Variants in MVB12B observed in about 807,000 individuals in gnomAD.
MVB12B encodes multivesicular body subunit 12B, also known as ESCRT-I complex subunit MVB12B.
MVB12B carries 16 observed loss-of-function variants against 41.6 expected under a neutral mutation model. That is an observed-to-expected ratio of 0.38 (90% CI 0.26 to 0.58). MVB12B has a LOEUF of 0.58. Among genes scored for constraint, MVB12B ranks in the 20% least tolerant of loss-of-function variants. The probability of loss-of-function intolerance (pLI) is 0.62; values close to 1 mark genes in which losing one functional copy is unlikely to be tolerated. For missense variants in MVB12B, 274 were observed against 380.2 expected (o/e 0.72, Z 2.32); for synonymous variants, 133 against 139.7 (o/e 0.95, Z 0.34).
Position 126,473,546 on chromosome 9 carries a change from A to G in MVB12B, c.758-7823A>G, listed in dbSNP as rs1343991170. On this transcript the variant is annotated intron_variant, in intron 7 of 9. Coordinates refer to ENST00000361171, the MANE Select transcript of MVB12B (RefSeq NM_033446.3). The surrounding 1 kb of genome is among the most constrained non-coding windows in gnomAD (Gnocchi z 4.0). ...GGAAGCTTCCAATCATAGTGGAGGC[A>G]AATCCAGAACAGGCTCATCACATGG... Among the ~76,000 whole-genome samples the G allele has an allele frequency of 6.6e-6, 1 of 152,228 alleles. No individual in the cohort carries two copies. The highest frequency in any genetic ancestry group is 1.5e-5 in the Non-Finnish European group (1 of 68,044).
At chr9:126,448,803 CT>C (rs1832839964) in intron 7 of MVB12B, among the ~76,000 whole-genome samples, 1 of 152,208 alleles carries the variant, frequency 6.6e-6, no homozygotes, top group Admixed American at 6.5e-5. Context: ...GATCTGCCCC[CT>C]GATCCAGTCA....
intron 4 of MVB12B, among the ~76,000 whole-genome samples, chr9:126,387,544 A>G (rs542796804): frequency 1.2e-4 from 19 of 152,148 alleles, no homozygotes; most frequent in Non-Finnish European, 2.4e-4. Flanking sequence ...TAGAGTTTCT[A>G]TCTTTACGCA....
chr9:126,357,956 T>C (rs1829926429), intron 2 of MVB12B, among the ~76,000 whole-genome samples: 1 of 152,202 alleles, frequency 6.6e-6, no homozygotes, highest in Admixed American at 6.5e-5. Context: ...GTTTTAGTTG[T>C]TATATTTAGA....
chr9:126,435,588 C>G (rs531266786), intron 7 of MVB12B, among the ~76,000 whole-genome samples: 12 of 150,842 alleles, frequency 8.0e-5, no homozygotes, highest in African/African-American at 2.7e-4. Context: ...CTTTGCCTTT[C>G]TTTTTCTTTC....
Position 126,450,499 on chromosome 9 carries a change from C to T in MVB12B, c.757+28551C>T, listed in dbSNP as rs546107840. On this transcript the variant is annotated intron_variant, in intron 7 of 9. Transcript: ENST00000361171. ...GTGGACCAGGGATGTACTCCCTCCC[C>T]GGCCCTGCTCCATCCCCATGTGAGG... is the stretch of plus-strand genomic sequence containing the variant. 9.2e-5 allele frequency among the ~76,000 whole-genome samples: 14 copies of T among 152,308 alleles called. 1 individual carries two copies. The highest frequency in any genetic ancestry group is 1.8e-4 in the Non-Finnish European group (12 of 68,022).
chr9:126,488,975 G>A (rs1388734194), intron 9 of MVB12B, among the ~76,000 whole-genome samples: 2 of 152,318 alleles, frequency 1.3e-5, no homozygotes, highest in South Asian at 4.1e-4. Flanking sequence ...GCCAAGCAGA[G>A]CTGCCTCCAC....
intron 7 of MVB12B, among the ~76,000 whole-genome samples, chr9:126,427,693 T>C (rs1832220369): frequency 6.6e-6 from 1 of 152,158 alleles, no homozygotes; most frequent in East Asian, 1.9e-4. Context: ...GACCAAAAAA[T>C]CTCGAACACC....
chr9:126,483,039 C>T (rs568270947), intron 8 of MVB12B, among the ~76,000 whole-genome samples: 4 of 152,240 alleles, frequency 2.6e-5, no homozygotes, highest in South Asian at 2.1e-4. Flanking sequence ...GCTGGCTTCG[C>T]GGAGGCTCCA....
chr9:126,433,908 G>C (rs1393319157), intron 7 of MVB12B, among the ~76,000 whole-genome samples: 1 of 152,106 alleles, frequency 6.6e-6, no homozygotes, highest in Non-Finnish European at 1.5e-5. Flanking sequence ...TTCCGAGTTG[G>C]GGTAAACTCT....
chr9:126,476,550 T>C (rs1833424269), intron 7 of MVB12B, among the ~76,000 whole-genome samples: 1 of 152,158 alleles, frequency 6.6e-6, no homozygotes, highest in African/African-American at 2.4e-5. Flanking sequence ...ATAATGGAAA[T>C]ATATAATTTA....
chr9:126,361,094 A>G (rs1480342850), intron 2 of MVB12B, among the ~76,000 whole-genome samples: 4 of 151,940 alleles, frequency 2.6e-5, no homozygotes, highest in Admixed American at 2.6e-4. Flanking sequence ...AAATGTACCA[A>G]TCTTGCTTTT....
In MVB12B at chr9:126,457,314, G is replaced by C. The variant is rs370454589; in HGVS notation, c.758-24055G>C. 2.5e-4 allele frequency among the ~76,000 whole-genome samples: 38 copies of C among 152,262 alleles called. No individual in the cohort carries two copies. In the East Asian group the frequency reaches 2.9e-3, roughly 12 times the overall value. On this transcript the variant is annotated intron_variant, in intron 7 of 9. Transcript: ENST00000361171. ...GAGACGAAGTGTCACTTCAAGGGAG[G>C]TACTGCTTTTGCAGGAGAAAAGTGG...
chr9:126,354,605 G>T (rs1022732178), intron 2 of MVB12B, among the ~76,000 whole-genome samples: 2 of 152,220 alleles, frequency 1.3e-5, no homozygotes, highest in African/African-American at 4.8e-5. Context: ...TAGATGTCAT[G>T]TGCCTGCTGA....
chr9:126,444,374 T>C (rs1283305941), intron 7 of MVB12B, among the ~76,000 whole-genome samples: 4 of 152,080 alleles, frequency 2.6e-5, no homozygotes, highest in South Asian at 2.1e-4. Context: ...TGCTAACTGG[T>C]AATTTTTTTT....
At chr9:126,495,752 T>TC (rs1372086771) in intron 9 of MVB12B, among the ~76,000 whole-genome samples, 1 of 152,136 alleles carries the variant, frequency 6.6e-6, no homozygotes, top group South Asian at 2.1e-4. Flanking sequence ...TATGTTTTTT[T>TC]CAATAACATC....
Position 126,376,605 on chromosome 9 carries a change from A to G in MVB12B, c.205-4459A>G. On this transcript the variant is annotated intron_variant, in intron 2 of 9. Coordinates refer to ENST00000361171, the MANE Select transcript of MVB12B (RefSeq NM_033446.3). The surrounding 1 kb of genome is among the most constrained non-coding windows in gnomAD (Gnocchi z 4.1). The stretch of plus-strand genomic sequence containing the variant: ...GCCCTCAGTGTCCAGTGTTCAGGGG[A>G]GGCGGCTGGAAGCAAGAAGGAGGGT... 1.6e-6 allele frequency: 2 copies of G among 1,289,168 alleles called. No homozygotes were observed. Among genetic ancestry groups the G allele is most frequent in the South Asian group, 2.5e-5 (2 of 81,002 alleles). 79.9% of individuals were successfully genotyped at this position (1,289,168 alleles called of 1,614,324 possible).
At chr9:126,364,462 A>G (rs891270816) in intron 2 of MVB12B, among the ~76,000 whole-genome samples, 1 of 151,896 alleles carries the variant, frequency 6.6e-6, no homozygotes, top group African/African-American at 2.4e-5. Flanking sequence ...AGGAGGCTGC[A>G]CTCCCCACTC....
chr9:126,396,828 G>A, intron 6 of MVB12B: 1 of 985,478 alleles, frequency 1.0e-6, no homozygotes, highest in Non-Finnish European at 1.2e-6. Flanking sequence ...TAAAAAGATA[G>A]GAATCTCTAA....
chr9:126,474,407 A>T (rs10819164), intron 7 of MVB12B, among the ~76,000 whole-genome samples: 36,732 of 152,200 alleles, frequency 0.24, 5,039 homozygotes, highest in African/African-American at 0.37. Flanking sequence ...TTCTTTTGGA[A>T]TGCATGAAGA....
Sources: gnomAD v4.1 joint callset for allele counts (sites outside exome capture counted in the v4.1 genomes callset) on GRCh38, gnomAD v4.1.1 for gene constraint, Gnocchi (gnomAD v3.1) non-coding constraint, MANE v1.5 for transcripts, NCBI Gene and HGNC (gene_info 2026-07-23, HGNC 2026-07-21) for gene names.